The following BTBD1 variants were observed in gnomAD, a reference collection of about 807,000 sequenced individuals.
BTBD1 encodes the protein BTB/POZ domain-containing protein 1.
A neutral mutation model predicts 48.0 loss-of-function variants in BTBD1; 34 were observed. The observed-to-expected ratio is 0.71, with a 90% CI of 0.54 to 0.94. The LOEUF is 0.94. Among genes scored for constraint, BTBD1 ranks in the 40% least tolerant of loss-of-function variants. The pLI, the probability that BTBD1 is intolerant of heterozygous loss-of-function variation, is 0.00. For synonymous variants in BTBD1, 261 were observed against 242.1 expected (o/e 1.08, Z -0.72); for missense variants, 543 against 625.6 (o/e 0.87, Z 1.41).
chr15:83,053,790 G>A (rs560059629), intron 2 of BTBD1, among the ~76,000 whole-genome samples: 2 of 152,296 alleles, frequency 1.3e-5, no homozygotes, highest in African/African-American at 4.8e-5. Context: ...TAAAAATGGT[G>A]ATAATAAGAA....
chr15:83,064,497 C>T (rs1449831012), intron 1 of BTBD1, among the ~76,000 whole-genome samples: 1 of 152,136 alleles, frequency 6.6e-6, no homozygotes, highest in Non-Finnish European at 1.5e-5. Context: ...CACTAATTAG[C>T]AGCTTCGGTG....
In BTBD1 at chr15:83,020,642, C is replaced by A. The variant is rs745895287; in HGVS notation, c.1143+33G>T. 2.9e-6 allele frequency: 4 copies of A among 1,356,390 alleles called. No homozygotes were observed. In the East Asian group the frequency reaches 9.3e-5, roughly 32 times the overall value. 84.0% of individuals were successfully genotyped at this position (1,356,390 alleles called of 1,614,324 possible). A position where few individuals can be genotyped will look rare whatever the true frequency, so the allele number is the denominator to read the frequency against. ...TTAAAGTTACCTGTTTGTGTTATTTCAAAATGATATATGGTGGGGGAGGAA... is the reference window on the plus strand; with the variant it reads ...TTAAAGTTACCTGTTTGTGTTATTTAAAAATGATATATGGTGGGGGAGGAA... On this transcript the variant is annotated intron_variant, in intron 6 of 7. Transcript: ENST00000261721.
intron 5 of BTBD1, chr15:83,022,216 A>ATTTTTTTTTTTTTTTT (rs536263928): frequency 1.5e-5 from 2 of 131,814 alleles, no homozygotes; most frequent in Non-Finnish European, 3.3e-5. Flanking sequence ...TGCTAGTTTA[A>ATTTTTTTTTTTTTTTT]TTTTTTTTTT....
rs1404729041 is a variant in BTBD1, at chr15:83,049,697, T to C, written c.664+376A>G. Among the ~76,000 whole-genome samples, 13 of 152,304 alleles carry C rather than the reference T, an allele frequency of 8.5e-5. No individual in the cohort carries two copies. In the East Asian group the frequency reaches 2.1e-3, roughly 25 times the overall value. On this transcript the variant is annotated intron_variant, in intron 3 of 7. Transcript: ENST00000261721. ...ACCGACTATTTCATCACCCAGGTAT[T>C]AATGCCCTCTCTTCTATTAGCGTTT...
At chr15:83,043,720 T>C (rs1176771021) in intron 3 of BTBD1, among the ~76,000 whole-genome samples, 1 of 152,068 alleles carries the variant, frequency 6.6e-6, no homozygotes. Context: ...AACTGCAAGG[T>C]TTATATAGCT....
rs2033300928 is a variant in BTBD1, at chr15:83,067,188, C to T, written c.-37G>A. 2 of 1,366,962 alleles carry T rather than the reference C, an allele frequency of 1.5e-6. No homozygotes were observed. The highest frequency in any genetic ancestry group is 1.8e-5 in the South Asian group (1 of 54,868). The allele number at this position is 1,366,962 out of a possible 1,614,324, so 84.7% of individuals were successfully genotyped here. A position where few individuals can be genotyped will look rare whatever the true frequency, so the allele number is the denominator to read the frequency against. Reference sequence around the variant, plus strand: ...GCGGTTGCCCACGTTATGGACAAAACTCCGCCGCCATCGCCCAGGCCGCCT... The same window carrying T: ...GCGGTTGCCCACGTTATGGACAAAATTCCGCCGCCATCGCCCAGGCCGCCT... On this transcript the variant is annotated 5_prime_UTR_variant, in exon 1 of 8. Coordinates refer to ENST00000261721, the MANE Select transcript of BTBD1 (RefSeq NM_025238.4).
Position 83,056,599 on chromosome 15 carries a change from A to C in BTBD1, c.402-54T>G, listed in dbSNP as rs1012323507. ...ATGGTCAGTAATGTTTTAGATAAGC[A>C]ATCCATCACAGTTAAATTTCTGAGG... On this transcript the variant is annotated intron_variant, in intron 1 of 7. Coordinates refer to ENST00000261721, the MANE Select transcript of BTBD1 (RefSeq NM_025238.4). 1.9e-5 allele frequency: 28 copies of C among 1,439,854 alleles called. No homozygotes were observed. In the Admixed American group the frequency reaches 2.8e-4, roughly 15 times the overall value. 89.2% of individuals were successfully genotyped at this position (1,439,854 alleles called of 1,614,324 possible). A position where few individuals can be genotyped will look rare whatever the true frequency, so the allele number is the denominator to read the frequency against.
In BTBD1 at chr15:83,047,939, T is replaced by TA. The variant is rs1212207281; in HGVS notation, c.664+2133_664+2134insT. Among the ~76,000 whole-genome samples, 8 of 152,314 alleles carry TA rather than the reference T, an allele frequency of 5.3e-5. No individual in the cohort carries two copies. In the East Asian group the frequency reaches 1.4e-3, roughly 26 times the overall value. On this transcript the variant is annotated intron_variant, in intron 3 of 7. Coordinates refer to ENST00000261721, the MANE Select transcript of BTBD1 (RefSeq NM_025238.4). Reference sequence around the variant, plus strand: ...AGCAAGGAAGTTATATGGGCTGATTTTTTATTTATAAAGATCATTCTGGCT... The same window carrying TA: ...AGCAAGGAAGTTATATGGGCTGATTTATTTATTTATAAAGATCATTCTGGCT...
intron 4 of BTBD1, 74 bp from the exon 5 acceptor site, chr15:83,030,402 A>C (rs970999196): frequency 7.8e-7 from 1 of 1,274,146 alleles, no homozygotes; most frequent in African/African-American, 1.5e-5. Flanking sequence ...CACTTAACGT[A>C]AATTCAAATC....
intron 5 of BTBD1, 190 bp from the exon 6 acceptor site, chr15:83,020,952 A>T (rs36038412): frequency 0.12 from 59,170 of 483,312 alleles, 4,048 homozygotes; most frequent in Middle Eastern, 0.2. Context: ...TGAACTTAAG[A>T]GGAACCTAAG....
intron 2 of BTBD1, 30 bp downstream of exon 2, chr15:83,056,359 A>G (rs1418438863): frequency 1.9e-6 from 3 of 1,549,730 alleles, no homozygotes; most frequent in Admixed American, 3.4e-5. Context: ...TAAAACTACA[A>G]TGATACATAC....
Position 83,017,797 on chromosome 15 carries a change from T to C in BTBD1, c.*270A>G, listed in dbSNP as rs1409500976. ...GAAAGACCCTAAGTCAGCCAATCTATGAAATTATACAAGATGAAGGTGAAA... is the reference window on the plus strand; with the variant it reads ...GAAAGACCCTAAGTCAGCCAATCTACGAAATTATACAAGATGAAGGTGAAA... On this transcript the variant is annotated 3_prime_UTR_variant, in exon 8 of 8. Transcript: ENST00000261721. 2.0e-5 allele frequency: 4 copies of C among 199,640 alleles called. No individual in the cohort carries two copies. In the East Asian group the frequency reaches 4.6e-4, roughly 23 times the overall value. 12.4% of individuals were successfully genotyped at this position (199,640 alleles called of 1,614,324 possible).
At chr15:83,059,919 C>T (rs573551355) in intron 1 of BTBD1, among the ~76,000 whole-genome samples, 1 of 152,324 alleles carries the variant, frequency 6.6e-6, no homozygotes, top group South Asian at 2.1e-4. Context: ...CTATTAGCTT[C>T]ACCCTTGACT....
rs1261002980 is a variant in BTBD1 at position 83,041,763 on chromosome 15, C to T, written c.827G>A (p.Arg276Gln). 1.4e-5 allele frequency: 22 copies of T among 1,614,124 alleles called. No individual in the cohort carries two copies. The highest frequency in any genetic ancestry group is 2.2e-5 in the East Asian group (1 of 44,888). ...KVLGKALSLI[R>Q]FPLMTIEEFA... ...TTCCTCAATTGTCATCAGTGGGAAC[C>T]GGATTAAGGAAAGTGCTTTTCCTAG... Residue 276 changes from arginine to glutamine, a missense_variant, in exon 4 of 8, where the codon CGG becomes CAG. By Grantham distance (43) the Arg-to-Gln change is conservative. Transcript: ENST00000261721.
At chr15:83,026,303 C>A (rs1041874274) in intron 5 of BTBD1, among the ~76,000 whole-genome samples, 5 of 152,016 alleles carry the variant, frequency 3.3e-5, no homozygotes, top group Non-Finnish European at 5.9e-5. Context: ...ACGAGTTCCA[C>A]CCCCAAGGAG....
At chr15:83,065,486 T>C (rs1207235200) in intron 1 of BTBD1, among the ~76,000 whole-genome samples, 2 of 152,246 alleles carry the variant, frequency 1.3e-5, no homozygotes, top group African/African-American at 4.8e-5. Context: ...GAACTTTACA[T>C]TCATTTTCTT....
At chr15:83,053,636 G>A (rs575289395) in intron 2 of BTBD1, among the ~76,000 whole-genome samples, 11 of 152,200 alleles carry the variant, frequency 7.2e-5, no homozygotes, top group African/African-American at 2.4e-4. Flanking sequence ...AAACTCCTTG[G>A]ACAATAAAGA....
intron 5 of BTBD1, chr15:83,029,460 A>C (rs1038150083): frequency 1.3e-5 from 2 of 152,216 alleles, no homozygotes; most frequent in Non-Finnish European, 2.9e-5. Flanking sequence ...TGCAAAGAAA[A>C]AACTCACACT....
At chr15:83,031,119 G>A (rs906164525) in intron 4 of BTBD1, among the ~76,000 whole-genome samples, 1 of 152,154 alleles carries the variant, frequency 6.6e-6, no homozygotes, top group Non-Finnish European at 1.5e-5. Context: ...TTCCACAATG[G>A]TTGAACTAGT....
Sources: gnomAD v4.1 joint callset for allele counts (sites outside exome capture counted in the v4.1 genomes callset) on GRCh38, gnomAD v4.1.1 for gene constraint, MANE v1.5 for transcripts, NCBI Gene and HGNC (gene_info 2026-07-23, HGNC 2026-07-21) for gene names.